The following ADAMTS17 variants were observed in gnomAD, a reference collection of about 807,000 sequenced individuals.
ADAMTS17 encodes the protein A disintegrin and metalloproteinase with thrombospondin motifs 17.
ADAMTS17 carries 113 observed loss-of-function variants against 141.5 expected under a neutral mutation model. That is an observed-to-expected ratio of 0.80 (90% CI 0.69 to 0.93). The LOEUF is 0.93. ADAMTS17 is among the 40% of genes least tolerant of loss of function. The pLI is 0.00. For missense variants in ADAMTS17, 1,659 were observed against 1,517.9 expected, an observed-to-expected ratio of 1.09 and a Z score of -1.54; for synonymous variants, 768 against 630.6, an observed-to-expected ratio of 1.22 and a Z score of -3.27.
intron 8 of ADAMTS17, among the ~76,000 whole-genome samples, chr15:100,182,333 G>A (rs1022973163): frequency 2.6e-5 from 4 of 152,160 alleles, no homozygotes; most frequent in South Asian, 4.1e-4. Flanking sequence ...ACAGCATGGG[G>A]AAACCACCCA....
chr15:100,182,424 T>C (rs546804975), intron 8 of ADAMTS17, among the ~76,000 whole-genome samples: 2 of 152,262 alleles, frequency 1.3e-5, no homozygotes, highest in African/African-American at 2.4e-5. Context: ...ATCCAAACCA[T>C]ATCACACTGT....
chr15:100,244,994 C>T lies in ADAMTS17; in HGVS notation c.1075+9142G>A, dbSNP rs183223565. ...ACCCAATAAAGGGTCAGGCTGACTC[C>T]GAATTGCATGACTAGAGTAAGAGCC... is the stretch of plus-strand genomic sequence containing the variant. On this transcript the variant is annotated intron_variant, in intron 7 of 21. Transcript: ENST00000268070. Among the ~76,000 whole-genome samples, 32 of 152,184 alleles carry T rather than the reference C, an allele frequency of 2.1e-4. 1 individual carries two copies. Among genetic ancestry groups the T allele is most frequent in the African/African-American group, 6.5e-4 (27 of 41,522 alleles).
intron 8 of ADAMTS17, among the ~76,000 whole-genome samples, chr15:100,188,491 G>A (rs930465121): frequency 6.6e-5 from 10 of 152,036 alleles, no homozygotes; most frequent in African/African-American, 2.4e-4. Context: ...ACAGTTTTGC[G>A]GCTTCCTTCC....
At chr15:100,174,899 T>C (rs533289361) in intron 8 of ADAMTS17, among the ~76,000 whole-genome samples, 1 of 152,294 alleles carries the variant, frequency 6.6e-6, no homozygotes, top group African/African-American at 2.4e-5. Flanking sequence ...CAAAATCTCA[T>C]CTGAAATGTA....
At chr15:100,251,248 T>C (rs1258727471) in intron 7 of ADAMTS17, among the ~76,000 whole-genome samples, 1 of 152,172 alleles carries the variant, frequency 6.6e-6, no homozygotes, top group Non-Finnish European at 1.5e-5. Flanking sequence ...TAAAAGACTT[T>C]CTTGTTAAGG....
chr15:100,334,515 C>A (rs2046149489), intron 2 of ADAMTS17, among the ~76,000 whole-genome samples: 1 of 152,146 alleles, frequency 6.6e-6, no homozygotes, highest in Non-Finnish European at 1.5e-5. Context: ...AAAAAGCCAC[C>A]CTGTAACTGC....
At chr15:100,001,809 A>G (rs1265053259) in intron 18 of ADAMTS17, among the ~76,000 whole-genome samples, 1 of 151,548 alleles carries the variant, frequency 6.6e-6, no homozygotes, top group Non-Finnish European at 1.5e-5. Context: ...CATCTCTACT[A>G]AAATACAAAA....
intron 7 of ADAMTS17, among the ~76,000 whole-genome samples, chr15:100,201,642 A>G (rs1191005426): frequency 6.6e-6 from 1 of 152,142 alleles, no homozygotes; most frequent in Non-Finnish European, 1.5e-5. Context: ...GTCTATTTTT[A>G]TTTGGAAACA....
intron 18 of ADAMTS17, among the ~76,000 whole-genome samples, chr15:100,005,500 C>A (rs886085606): frequency 6.6e-6 from 1 of 152,150 alleles, no homozygotes; most frequent in Non-Finnish European, 1.5e-5. Flanking sequence ...CCTCCATCCT[C>A]AAGACCAGCA....
At chr15:100,025,076 T>C (rs752604555) in intron 18 of ADAMTS17, among the ~76,000 whole-genome samples, 1 of 152,212 alleles carries the variant, frequency 6.6e-6, no homozygotes, top group South Asian at 2.1e-4. Context: ...TTGTCTCCTA[T>C]AGCCAATACA....
At chr15:100,292,070 C>T (rs921205136) in intron 3 of ADAMTS17, among the ~76,000 whole-genome samples, 1 of 133,548 alleles carries the variant, frequency 7.5e-6, no homozygotes, top group African/African-American at 3.0e-5. Context: ...ACGAGAGACG[C>T]TCAGCCCGTG....
intron 8 of ADAMTS17, among the ~76,000 whole-genome samples, chr15:100,196,947 TTTGA>T (rs1453501214): frequency 1.3e-5 from 2 of 152,320 alleles, no homozygotes; most frequent in East Asian, 1.9e-4. Flanking sequence ...ATTTATTGGC[TTTGA>T]TTAACAATAA....
intron 18 of ADAMTS17, among the ~76,000 whole-genome samples, chr15:100,008,511 G>A (rs1054316021): frequency 2.0e-5 from 3 of 152,198 alleles, no homozygotes; most frequent in African/African-American, 7.2e-5. Context: ...AGGAGGCCAG[G>A]GCCCGGGGGC....
rs1221418582 is a variant in ADAMTS17, at chr15:100,216,938, G to A, written c.1076-17515C>T. 2.0e-5 allele frequency among the ~76,000 whole-genome samples: 3 copies of A among 152,194 alleles called. No homozygotes were observed. The East Asian group carries it at 5.8e-4, about 29-fold the overall frequency. On this transcript the variant is annotated intron_variant, in intron 7 of 21. Coordinates refer to ENST00000268070, the MANE Select transcript of ADAMTS17 (RefSeq NM_139057.4). ...TTCTTCTGTTTTGTGAGGTCAGGGTGCCTTCCTGCTCTAGACTTCCCATGT... is the reference window on the plus strand; with the variant it reads ...TTCTTCTGTTTTGTGAGGTCAGGGTACCTTCCTGCTCTAGACTTCCCATGT...
intron 14 of ADAMTS17, among the ~76,000 whole-genome samples, chr15:100,106,260 T>C (rs1203000922): frequency 3.3e-5 from 5 of 152,168 alleles, no homozygotes; most frequent in African/African-American, 2.4e-5. Flanking sequence ...CCCCTGGATG[T>C]TGGATTTCCA....
intron 7 of ADAMTS17, among the ~76,000 whole-genome samples, chr15:100,217,974 G>A (rs146092846): frequency 0.013 from 1,932 of 152,278 alleles, 21 homozygotes; most frequent in Non-Finnish European, 0.014. Flanking sequence ...TTGACCTCCC[G>A]GGCTCAGGGC....
intron 15 of ADAMTS17, among the ~76,000 whole-genome samples, chr15:100,057,142 G>A (rs1196468880): frequency 6.6e-6 from 1 of 152,104 alleles, no homozygotes; most frequent in Non-Finnish European, 1.5e-5. Context: ...ATGGAGGGAG[G>A]AAGGCACAGC....
intron 3 of ADAMTS17, among the ~76,000 whole-genome samples, chr15:100,285,462 G>T (rs2044416456): frequency 6.6e-6 from 1 of 152,188 alleles, no homozygotes; most frequent in Non-Finnish European, 1.5e-5. Flanking sequence ...CAGTATCCAG[G>T]TATTTATTAG....
intron 10 of ADAMTS17, among the ~76,000 whole-genome samples, chr15:100,142,990 C>A (rs2038732792): frequency 1.3e-5 from 2 of 152,202 alleles, no homozygotes; most frequent in African/African-American, 2.4e-5. Context: ...TACATCCCTT[C>A]CAAGCACTAC....
Sources: allele counts gnomAD v4.1 joint callset (sites outside exome capture counted in the v4.1 genomes callset), GRCh38; gene constraint gnomAD v4.1.1; transcripts MANE v1.5; gene names NCBI Gene and HGNC (gene_info 2026-07-23, HGNC 2026-07-21).